PDE4D: variants seen among roughly 807,000 people sequenced by gnomAD.
PDE4D encodes phosphodiesterase 4D.
Under a neutral mutation model 87.4 loss-of-function variants are expected in PDE4D, and 24 were observed. That is an observed-to-expected ratio of 0.27 (90% CI 0.20 to 0.39). The LOEUF (loss-of-function observed/expected upper bound fraction) is 0.39, where lower values mean the gene tolerates loss of function less well. Among genes scored for constraint, PDE4D ranks in the 10% least tolerant of loss-of-function variants. The pLI, the probability that PDE4D is intolerant of heterozygous loss-of-function variation, is 1.00. For synonymous variants in PDE4D, 384 were observed against 383.2 expected (o/e 1.00, Z -0.02); for missense variants, 714 against 1,041.0 (o/e 0.69, Z 4.32).
rs146772899 is a variant in PDE4D, at chr5:59,965,874, C to G, written c.272+22614G>C. On this transcript the variant is annotated intron_variant, in intron 3 of 16. Transcript: ENST00000502484. ...AGTAGTAGTGCAAGCTCCAAGAAACCTTCATTTATAAAACAAGTGGCAGGC... is the reference window on the plus strand; with the variant it reads ...AGTAGTAGTGCAAGCTCCAAGAAACGTTCATTTATAAAACAAGTGGCAGGC... Among the ~76,000 whole-genome samples, 568 of 152,270 alleles carry G rather than the reference C, an allele frequency of 3.7e-3. 7 individuals are homozygous for G. Among genetic ancestry groups the G allele is most frequent in the African/African-American group, 0.013 (537 of 41,558 alleles).
chr5:59,424,818 G>A (rs1306923160), intron 1 of PDE4D, among the ~76,000 whole-genome samples: 1 of 152,148 alleles, frequency 6.6e-6, no homozygotes, highest in Non-Finnish European at 1.5e-5. Context: ...AAACACACAA[G>A]TAGTCACACA....
intron 1 of PDE4D, among the ~76,000 whole-genome samples, chr5:59,310,074 G>A (rs1386876581): frequency 1.3e-5 from 2 of 152,136 alleles, no homozygotes; most frequent in African/African-American, 2.4e-5. Flanking sequence ...CGACAGCAGA[G>A]GTGGAGGACT....
chr5:59,966,771 T>C (rs1401864457), intron 3 of PDE4D, among the ~76,000 whole-genome samples: 1 of 152,204 alleles, frequency 6.6e-6, no homozygotes, highest in Non-Finnish European at 1.5e-5. Context: ...GGCAGTTTAA[T>C]AACAGAGCTT....
intron 1 of PDE4D, chr5:59,430,317 A>C: frequency 8.1e-7 from 1 of 1,231,320 alleles, no homozygotes; most frequent in East Asian, 3.2e-5. Context: ...GCTTAATATC[A>C]ATTGGCATGT....
chr5:59,111,890 T>C (rs1407876402), intron 5 of PDE4D, among the ~76,000 whole-genome samples: 2 of 152,238 alleles, frequency 1.3e-5, no homozygotes, highest in African/African-American at 2.4e-5. Context: ...CTGTTGTGTA[T>C]ATATATCTGT....
chr5:60,443,334 T>C (rs769384667), intron 1 of PDE4D, among the ~76,000 whole-genome samples: 1 of 152,116 alleles, frequency 6.6e-6, no homozygotes, highest in Non-Finnish European at 1.5e-5. Flanking sequence ...ACTAGTAAAG[T>C]CAAGCAAAAT....
At chr5:59,829,148 C>CAT (rs1770677217) in intron 1 of PDE4D, among the ~76,000 whole-genome samples, 1 of 151,826 alleles carries the variant, frequency 6.6e-6, no homozygotes, top group Admixed American at 6.6e-5. Flanking sequence ...CTTATCTACA[C>CAT]ACACACACAC....
chr5:59,832,274 G>T (rs1444826204), intron 1 of PDE4D, among the ~76,000 whole-genome samples: 1 of 152,104 alleles, frequency 6.6e-6, no homozygotes, highest in East Asian at 1.9e-4. Context: ...ACTTTCGTTT[G>T]ATTCTGCCAG....
At chr5:60,253,386 T>G (rs942765831) in intron 1 of PDE4D, among the ~76,000 whole-genome samples, 1 of 151,888 alleles carries the variant, frequency 6.6e-6, no homozygotes, top group East Asian at 1.9e-4. Flanking sequence ...TCTCCTGCAA[T>G]CACTTAAAAT....
At chr5:59,567,906 A>G (rs1007360324) in intron 1 of PDE4D, among the ~76,000 whole-genome samples, 1 of 152,210 alleles carries the variant, frequency 6.6e-6, no homozygotes, top group African/African-American at 2.4e-5. Flanking sequence ...CCTGATTGTT[A>G]GATATGTGTA....
rs538504719 is a variant in PDE4D at position 59,841,813 on chromosome 5, T to C, written c.455+51355A>G. On this transcript the variant is annotated intron_variant, in intron 1 of 14. Transcript: ENST00000340635. ...CCAGATTGGGGGAGGTAAAGGACTC[T>C]CTAGGCAGAAAGAGATTGTAGTGCA... 1.3e-4 allele frequency among the ~76,000 whole-genome samples: 20 copies of C among 152,064 alleles called. No individual in the cohort carries two copies. The East Asian group carries it at 3.9e-3, about 30-fold the overall frequency.
rs147617547 is a variant in PDE4D at position 58,995,070 on chromosome 5, G to A, written c.922-1605C>T. 5.6e-3 allele frequency among the ~76,000 whole-genome samples: 848 copies of A among 151,874 alleles called. 6 individuals carry two copies. Among genetic ancestry groups the A allele is most frequent in the African/African-American group, 0.019 (806 of 41,422 alleles). On this transcript the variant is annotated intron_variant, in intron 6 of 14. Coordinates refer to ENST00000340635, the MANE Select transcript of PDE4D (RefSeq NM_001104631.2). ...ACAAACAAACAAACAAAAAAACAAA[G>A]AACTGGCATGACCAGTACAAATTCT... is the stretch of plus-strand genomic sequence containing the variant.
chr5:59,632,682 G>A (rs1400888143), intron 1 of PDE4D, among the ~76,000 whole-genome samples: 1 of 152,078 alleles, frequency 6.6e-6, no homozygotes, highest in Non-Finnish European at 1.5e-5. Context: ...AAAAGCAATA[G>A]CATCAACATC....
intron 1 of PDE4D, among the ~76,000 whole-genome samples, chr5:59,612,206 T>A (rs115838700): frequency 1.3e-5 from 2 of 148,816 alleles, no homozygotes; most frequent in East Asian, 4.0e-4. Flanking sequence ...TAATTCAATA[T>A]ATATTCTGAT....
intron 1 of PDE4D, among the ~76,000 whole-genome samples, chr5:60,280,325 T>A (rs115239475): frequency 0.02 from 2,918 of 147,136 alleles, 81 homozygotes; most frequent in African/African-American, 0.073. Flanking sequence ...TATATATATA[T>A]AAATATATAT....
At chr5:59,734,704 C>A (rs763680078) in intron 1 of PDE4D, among the ~76,000 whole-genome samples, 2 of 151,516 alleles carry the variant, frequency 1.3e-5, no homozygotes, top group Non-Finnish European at 2.9e-5. Flanking sequence ...AAAAAAAATT[C>A]TCTTTTCCTT....
chr5:59,663,870 A>G (rs571596562), intron 1 of PDE4D, among the ~76,000 whole-genome samples: 3 of 152,334 alleles, frequency 2.0e-5, no homozygotes, highest in Admixed American at 6.5e-5. Context: ...GAATAACATA[A>G]CATTCAGCTC....
intron 1 of PDE4D, among the ~76,000 whole-genome samples, chr5:59,676,251 C>T (rs1188361128): frequency 6.6e-6 from 1 of 152,162 alleles, no homozygotes; most frequent in Non-Finnish European, 1.5e-5. Flanking sequence ...TAGTTTTAAT[C>T]AATCCATATG....
At chr5:59,752,427 T>C (rs1351820789) in intron 1 of PDE4D, among the ~76,000 whole-genome samples, 2 of 152,196 alleles carry the variant, frequency 1.3e-5, no homozygotes, top group African/African-American at 4.8e-5. Flanking sequence ...AACCCTAGGA[T>C]CCCACAGTGA....
Sources: allele counts gnomAD v4.1 joint callset (sites outside exome capture counted in the v4.1 genomes callset), GRCh38; gene constraint gnomAD v4.1.1; transcripts MANE v1.5; gene names NCBI Gene and HGNC (gene_info 2026-07-23, HGNC 2026-07-21).